CDHR2: variants seen among roughly 807,000 people sequenced by gnomAD.
The protein encoded by CDHR2 is cadherin related family member 2, also known as cadherin-related family member 2.
CDHR2 carries 104 observed loss-of-function variants against 138.6 expected under a neutral mutation model. That is an observed-to-expected ratio of 0.75 (90% CI 0.64 to 0.88). The LOEUF is 0.88. CDHR2 is among the 40% of genes least tolerant of loss of function. The pLI is 0.00. For missense variants in CDHR2, 1,624 were observed against 1,727.6 expected, an observed-to-expected ratio of 0.94 and a Z score of 1.06; for synonymous variants, 755 against 742.8, an observed-to-expected ratio of 1.02 and a Z score of -0.27.
intron 3 of CDHR2, among the ~76,000 whole-genome samples, chr5:176,566,720 A>G (rs1421168783): frequency 6.6e-6 from 1 of 152,360 alleles, no homozygotes; most frequent in Non-Finnish European, 1.5e-5. Context: ...AGAAGGAGGA[A>G]GGGGACAAGA....
In CDHR2 at chr5:176,581,345, C is replaced by T. The variant is rs1440637443; in HGVS notation, c.1821C>T (p.Ala607=). The part of the protein sequence containing the change: ...EEGNVSVTIQ[A]HDNDEPGTNN... The stretch of plus-strand genomic sequence containing the variant: ...CCAACCCCTGCTTACGTGCACAGGC[C>T]CACGACAATGATGAGCCGGGCACCA... Residue 607 remains alanine (A), a splice_region_variant and synonymous_variant, in exon 17 of 32, where the codon GCC becomes GCT. Transcript: ENST00000261944. The T allele has an allele frequency of 6.2e-7, 1 of 1,613,030 alleles. No homozygotes were observed. The highest frequency in any genetic ancestry group is 1.7e-5 in the Admixed American group (1 of 60,024).
chr5:176,570,753 A>G (rs934536174), intron 5 of CDHR2, among the ~76,000 whole-genome samples: 1 of 152,176 alleles, frequency 6.6e-6, no homozygotes, highest in East Asian at 1.9e-4. Context: ...GGAGTTCAAG[A>G]GCAGCCTGAC....
At chr5:176,574,779 A>G (rs1316003047) in intron 7 of CDHR2, among the ~76,000 whole-genome samples, 1 of 152,252 alleles carries the variant, frequency 6.6e-6, no homozygotes, top group African/African-American at 2.4e-5. Context: ...CCTTCAGTAC[A>G]GACGCAACCA....
In CDHR2 at chr5:176,595,769, C is replaced by T. The variant is rs1190538760; in HGVS notation, c.*97C>T. The stretch of plus-strand genomic sequence containing the variant: ...ATGAAAATATATGACGCTGCCCTGC[C>T]TCCTGCTTTTGGCCAATCACGGCAG... On this transcript the variant is annotated 3_prime_UTR_variant, in exon 32 of 32. Coordinates refer to ENST00000261944, the MANE Select transcript of CDHR2 (RefSeq NM_017675.6). 8.1e-7 allele frequency: 1 copy of T among 1,230,358 alleles called. No individual in the cohort carries two copies. Among genetic ancestry groups the T allele is most frequent in the Non-Finnish European group, 1.1e-6 (1 of 918,094 alleles). The allele number at this position is 1,230,358 out of a possible 1,614,324, so 76.2% of individuals were successfully genotyped here. A position where few individuals can be genotyped will look rare whatever the true frequency, so the allele number is the denominator to read the frequency against.
chr5:176,587,294 C>T (rs1410243543), intron 21 of CDHR2, among the ~76,000 whole-genome samples: 1 of 151,990 alleles, frequency 6.6e-6, no homozygotes, highest in East Asian at 1.9e-4. Flanking sequence ...CTAAAAAATA[C>T]AAAATTAGCT....
chr5:176,567,993 C>T (rs1313518924), intron 3 of CDHR2, among the ~76,000 whole-genome samples: 2 of 152,232 alleles, frequency 1.3e-5, no homozygotes, highest in South Asian at 2.1e-4. Context: ...CGTAGGCTCC[C>T]ATGCCAGTGG....
At chr5:176,592,280 G>A (rs1320489222) in intron 30 of CDHR2, among the ~76,000 whole-genome samples, 19 of 148,702 alleles carry the variant, frequency 1.3e-4, no homozygotes, top group Admixed American at 6.0e-4. Context: ...GATGATGGTG[G>A]TGATGGTGAT....
rs1347680714 is a variant in CDHR2 at position 176,584,939 on chromosome 5, C to T, written c.2658C>T (p.Ala886=). The T allele has an allele frequency of 1.3e-6, 2 of 1,591,638 alleles. No homozygotes were observed. The highest frequency in any genetic ancestry group is 1.7e-6 in the Non-Finnish European group (2 of 1,168,712). The change falls in exon 19 of 32, where the codon GCC becomes GCT. Residue 886 remains alanine, a synonymous_variant. Transcript: ENST00000261944. ...INQSKAIDYE[A]CDLVTLVVRA... Reference sequence around the variant, plus strand: ...AGAGCAAAGCCATCGACTACGAGGCCTGTGACCTGGTCACGCTGGTTGTGC... The same window carrying T: ...AGAGCAAAGCCATCGACTACGAGGCTTGTGACCTGGTCACGCTGGTTGTGC...
chr5:176,587,396 C>T (rs1035888973), intron 21 of CDHR2, among the ~76,000 whole-genome samples: 70 of 151,858 alleles, frequency 4.6e-4, no homozygotes, highest in African/African-American at 1.5e-3. Context: ...TGCGGTGAGT[C>T]GAGATCACGC....
At position 176,589,606 on chromosome 5, in the gene CDHR2, G is replaced by A. The variant is rs141971593; in HGVS notation, c.3196G>A (p.Ala1066Thr). 3.7e-5 allele frequency: 59 copies of A among 1,613,884 alleles called. No individual in the cohort carries two copies. In the African/African-American group the frequency reaches 5.7e-4, roughly 16 times the overall value. ...GGAGGAGGTGGGCGCCAACAGACAG[G>A]CGATTAATGCGTAGGTCTGGGGAGC... Reference protein sequence around the residue: ...PKEEVGANRQAINAALTQATR... With the variant: ...PKEEVGANRQTINAALTQATR... Residue 1066 changes from alanine (A) to threonine (T), a missense_variant, in exon 24 of 32, where the codon GCG becomes ACG. Coordinates refer to ENST00000261944, the MANE Select transcript of CDHR2 (RefSeq NM_017675.6).
At position 176,589,931 on chromosome 5, in the gene CDHR2, TCA is replaced by T; in HGVS notation, c.3207-144_3207-143del. On this transcript the variant is annotated intron_variant, in intron 24 of 31. Coordinates refer to ENST00000261944, the MANE Select transcript of CDHR2 (RefSeq NM_017675.6). ...AGGAAGGGATTTCCTTTTGTAATTT[TCA>T]CAGAGATGCTACCTACTCAGCCAAC... 4.1e-6 allele frequency: 3 copies of T among 727,424 alleles called. No homozygotes were observed. The Admixed American group carries it at 6.7e-5, about 16-fold the overall frequency. The allele number at this position is 727,424 out of a possible 1,614,324, so 45.1% of individuals were successfully genotyped here. A position where few individuals can be genotyped will look rare whatever the true frequency, so the allele number is the denominator to read the frequency against.
intron 16 of CDHR2, among the ~76,000 whole-genome samples, chr5:176,579,914 T>G (rs2113306843): frequency 6.6e-6 from 1 of 152,206 alleles, no homozygotes; most frequent in Non-Finnish European, 1.5e-5. Flanking sequence ...CCCAGCGGTG[T>G]CACCTGTGCT....
chr5:176,588,786 G>A (rs1443092875), intron 21 of CDHR2, among the ~76,000 whole-genome samples: 1 of 152,142 alleles, frequency 6.6e-6, no homozygotes, highest in East Asian at 1.9e-4. Context: ...ATTTCCACAT[G>A]TGAGGGACTT....
At chr5:176,583,117 G>A (rs930007472) in intron 17 of CDHR2, among the ~76,000 whole-genome samples, 1 of 152,192 alleles carries the variant, frequency 6.6e-6, no homozygotes, top group African/African-American at 2.4e-5. Flanking sequence ...TAGGGTGGGA[G>A]GGCTGCAAAG....
Position 176,584,554 on chromosome 5 carries a change from TC to T in CDHR2, c.2275del (p.Arg759GlyfsTer6). 6.2e-7 allele frequency: 1 copy of T among 1,612,426 alleles called. No homozygotes were observed. Among genetic ancestry groups the T allele is most frequent in the Admixed American group, 1.7e-5 (1 of 59,914 alleles). On this transcript the variant is annotated frameshift_variant, in exon 19 of 32. Transcript: ENST00000261944. LOFTEE classifies it high-confidence loss of function. ...GGGGCTGGGTGGGCTGAGGGCTACC[TC>T]CGGCTGCCCCCGGACGTGAGCCTGG... ...VLGAGWAEGY[L>X]RLPPDVSLDY...
Position 176,577,480 on chromosome 5 carries a change from T to G in CDHR2, c.1276T>G (p.Ser426Ala). Residue 426 changes from serine to alanine, a missense_variant, in exon 13 of 32, where the codon TCA becomes GCA. By Grantham distance (99) the Ser-to-Ala change is moderately conservative. This residue lies in a region of CDHR2 where 1,061 missense variants were observed against 1,136.6 expected (regional missense o/e 0.93). Coordinates refer to ENST00000261944, the MANE Select transcript of CDHR2 (RefSeq NM_017675.6). ...FSVSPERAVG[S>A]ASVQVLVRVS... is the part of the protein sequence containing the mutation. ...CGTCTCCCCGGAGCGGGCAGTGGGC[T>G]CAGCCTCCGTTCAGGTGCTGGTGAG... 6.2e-7 allele frequency: 1 copy of G among 1,611,070 alleles called. No individual in the cohort carries two copies. Among genetic ancestry groups the G allele is most frequent in the Non-Finnish European group, 8.5e-7 (1 of 1,179,054 alleles).
chr5:176,581,985 G>A (rs905537299), intron 17 of CDHR2, among the ~76,000 whole-genome samples: 2 of 152,138 alleles, frequency 1.3e-5, no homozygotes, highest in African/African-American at 2.4e-5. Context: ...CCAAGGTTGG[G>A]ATGGTTATTA....
rs148518302 is a variant in CDHR2 at position 176,581,406 on chromosome 5, C to G, written c.1882C>G (p.Pro628Ala). Reference sequence around the variant, plus strand: ...TCTGCTCTTCAACCTGCTGCCTGGCCCCTACAGCCACAACTTCTCCTTGGA... The same window carrying G: ...TCTGCTCTTCAACCTGCTGCCTGGCGCCTACAGCCACAACTTCTCCTTGGA... The part of the protein sequence containing the change: ...SRLLFNLLPG[P>A]YSHNFSLDPD... The change falls in exon 17 of 32, where the codon CCC becomes GCC. Residue 628 changes from proline to alanine, a missense_variant. Transcript: ENST00000261944. 9 of 1,614,036 alleles carry G rather than the reference C, an allele frequency of 5.6e-6. No homozygotes were observed. In the African/African-American group the frequency reaches 1.2e-4, roughly 22 times the overall value.
intron 3 of CDHR2, among the ~76,000 whole-genome samples, chr5:176,568,373 G>A (rs965224897): frequency 1.3e-5 from 2 of 152,378 alleles, no homozygotes; most frequent in South Asian, 2.1e-4. Flanking sequence ...CACCAGCCAC[G>A]TCTAGTCTTG....
Sources: allele counts gnomAD v4.1 joint callset (sites outside exome capture counted in the v4.1 genomes callset), GRCh38; gene constraint gnomAD v4.1.1; regional missense constraint gnomAD v4.1.1; transcripts MANE v1.5; gene names NCBI Gene and HGNC (gene_info 2026-07-23, HGNC 2026-07-21).